The following RFX3 variants were observed in gnomAD, a reference collection of about 807,000 sequenced individuals.
The protein encoded by RFX3 is regulatory factor X3, also known as transcription factor RFX3.
Under a neutral mutation model 98.6 loss-of-function variants are expected in RFX3, and 14 were observed. The observed-to-expected ratio is 0.14, with a 90% confidence interval of 0.09 to 0.22. The LOEUF is 0.22. Among genes scored for constraint, RFX3 ranks in the 10% least tolerant of loss-of-function variants. The probability of loss-of-function intolerance (pLI) is 1.00; values close to 1 mark genes in which losing one functional copy is unlikely to be tolerated. For synonymous variants in RFX3, 383 were observed against 328.4 expected (o/e 1.17, Z -1.80); for missense variants, 639 against 926.9 (o/e 0.69, Z 4.03).
intron 1 of RFX3, among the ~76,000 whole-genome samples, chr9:3,424,511 G>A (rs950777913): frequency 1.6e-4 from 24 of 151,302 alleles, no homozygotes; most frequent in South Asian, 8.4e-4. Flanking sequence ...ACAGGCGCCC[G>A]CCACCGCGCC....
rs144421685 is a variant in RFX3 at position 3,507,005 on chromosome 9, A to G, written c.-9+18742T>C. ...TTCTAAAATTTGATTAGAGATTCCAAATTGACAATCTGAAGCTTAAACAAC... is the reference window on the plus strand; with the variant it reads ...TTCTAAAATTTGATTAGAGATTCCAGATTGACAATCTGAAGCTTAAACAAC... On this transcript the variant is annotated intron_variant, in intron 1 of 16. Coordinates refer to ENST00000617270, the MANE Select transcript of RFX3 (RefSeq NM_001282116.2). Among the ~76,000 whole-genome samples, 522 of 152,074 alleles carry G rather than the reference A, an allele frequency of 3.4e-3. 3 individuals carry two copies. The highest frequency in any genetic ancestry group is 0.012 in the African/African-American group (496 of 41,540).
intron 4 of RFX3, among the ~76,000 whole-genome samples, chr9:3,319,072 C>T (rs1830961234): frequency 6.6e-6 from 1 of 152,240 alleles, no homozygotes. Context: ...AGGATTTAAA[C>T]TCCATCTTAC....
chr9:3,521,316 C>T (rs967511755), intron 1 of RFX3, among the ~76,000 whole-genome samples: 4 of 152,002 alleles, frequency 2.6e-5, no homozygotes, highest in South Asian at 2.1e-4. Context: ...TTATATGTTG[C>T]GGTAATATGT....
At chr9:3,295,511 G>A (rs754415396) in intron 5 of RFX3, among the ~76,000 whole-genome samples, 19 of 151,710 alleles carry the variant, frequency 1.3e-4, no homozygotes, top group African/African-American at 4.1e-4. Context: ...AAGAAGACAC[G>A]AAAGAAAAAA....
At chr9:3,229,568 A>G (rs1036717048) in intron 15 of RFX3, among the ~76,000 whole-genome samples, 1 of 152,216 alleles carries the variant, frequency 6.6e-6, no homozygotes. Context: ...ATAGTTTGAT[A>G]ATTTTCCAAT....
chr9:3,346,211 T>C (rs1834426080), intron 3 of RFX3, among the ~76,000 whole-genome samples: 1 of 152,218 alleles, frequency 6.6e-6, no homozygotes, highest in African/African-American at 2.4e-5. Context: ...ACATTTATTA[T>C]CAGACATTTT....
chr9:3,417,382 C>G (rs1420785822), intron 1 of RFX3, among the ~76,000 whole-genome samples: 1 of 152,060 alleles, frequency 6.6e-6, no homozygotes, highest in Admixed American at 6.6e-5. Context: ...ATATACCCTT[C>G]TCAAGTACAC....
chr9:3,296,187 T>C (rs1827963291), intron 5 of RFX3, among the ~76,000 whole-genome samples: 1 of 151,908 alleles, frequency 6.6e-6, no homozygotes, highest in Non-Finnish European at 1.5e-5. Flanking sequence ...AAGTTTAATA[T>C]AAAATATTTT....
intron 1 of RFX3, among the ~76,000 whole-genome samples, chr9:3,465,350 G>C (rs1476723496): frequency 1.3e-5 from 2 of 151,798 alleles, no homozygotes; most frequent in Non-Finnish European, 2.9e-5. Flanking sequence ...GAATGCAGTA[G>C]CATGATCTCA....
intron 4 of RFX3, among the ~76,000 whole-genome samples, chr9:3,306,756 T>C (rs559438446): frequency 4.7e-4 from 71 of 150,882 alleles, no homozygotes; most frequent in African/African-American, 1.7e-3. Flanking sequence ...ATAATAATAA[T>C]TAAAAAAAAA....
chr9:3,355,485 A>T (rs570213804), intron 2 of RFX3, among the ~76,000 whole-genome samples: 4 of 151,908 alleles, frequency 2.6e-5, no homozygotes, highest in Non-Finnish European at 5.9e-5. Flanking sequence ...ATTAAGAAAA[A>T]TATCAAGAAA....
chr9:3,335,136 A>T (rs1186366058), intron 3 of RFX3, among the ~76,000 whole-genome samples: 1 of 151,568 alleles, frequency 6.6e-6, no homozygotes, highest in Non-Finnish European at 1.5e-5. Context: ...AATAATAATA[A>T]AATAATAATA....
intron 4 of RFX3, among the ~76,000 whole-genome samples, chr9:3,329,428 A>C (rs911243096): frequency 7.3e-6 from 1 of 137,204 alleles, no homozygotes; most frequent in Non-Finnish European, 1.5e-5. Context: ...AAAAAAAAAA[A>C]CAAAAAACCA....
chr9:3,323,066 C>A (rs1473091714), intron 4 of RFX3, among the ~76,000 whole-genome samples: 2 of 152,154 alleles, frequency 1.3e-5, no homozygotes, highest in African/African-American at 4.8e-5. Flanking sequence ...TTTACTGCCA[C>A]CAATAGTTAC....
intron 1 of RFX3, among the ~76,000 whole-genome samples, chr9:3,511,605 G>C (rs559310106): frequency 6.6e-6 from 1 of 152,142 alleles, no homozygotes; most frequent in African/African-American, 2.4e-5. Flanking sequence ...AGAAGCAGAA[G>C]ATAGTTGGTT....
chr9:3,498,319 A>G (rs1851254847), intron 1 of RFX3, among the ~76,000 whole-genome samples: 1 of 152,048 alleles, frequency 6.6e-6, no homozygotes, highest in Non-Finnish European at 1.5e-5. Context: ...TTAATTTCAA[A>G]AAATGTTGTT....
intron 16 of RFX3, among the ~76,000 whole-genome samples, 157 bp downstream of exon 16, chr9:3,228,690 T>A (rs1363195449): frequency 6.6e-6 from 1 of 152,170 alleles, no homozygotes; most frequent in Non-Finnish European, 1.5e-5. Context: ...TGGGGAAAAA[T>A]GGAGAAATAA....
chr9:3,312,759 G>A (rs1332133627), intron 4 of RFX3, among the ~76,000 whole-genome samples: 1 of 152,126 alleles, frequency 6.6e-6, no homozygotes, highest in Admixed American at 6.5e-5. Flanking sequence ...ATGGAGCCTC[G>A]CTCACTGCTA....
intron 1 of RFX3, among the ~76,000 whole-genome samples, chr9:3,401,397 T>A (rs577749489): frequency 1.4e-3 from 215 of 152,296 alleles, no homozygotes; most frequent in Admixed American, 2.3e-3. Flanking sequence ...ATTTTAGGTT[T>A]TGTTTTACTC....
Sources: gnomAD v4.1 joint callset for allele counts (sites outside exome capture counted in the v4.1 genomes callset) on GRCh38, gnomAD v4.1.1 for gene constraint, MANE v1.5 for transcripts, NCBI Gene and HGNC (gene_info 2026-07-23, HGNC 2026-07-21) for gene names.